The following CAPN11 variants were observed in gnomAD, a reference collection of about 807,000 sequenced individuals.
CAPN11 encodes the protein calpain-11.
Under a neutral mutation model 105.3 loss-of-function variants are expected in CAPN11, and 108 were observed. That is an observed-to-expected ratio of 1.03 (90% CI 0.88 to 1.20). The LOEUF (loss-of-function observed/expected upper bound fraction) is 1.20. Ranked by LOEUF, CAPN11 falls within the 50% of genes most tolerant of loss-of-function variation. The pLI is 0.00. For missense variants in CAPN11, 883 were observed against 924.8 expected, an observed-to-expected ratio of 0.95 and a Z score of 0.59; for synonymous variants, 329 against 344.5, an observed-to-expected ratio of 0.96 and a Z score of 0.50.
chr6:44,177,592 A>T, intron 12 of CAPN11, 172 bp downstream of exon 12: 1 of 617,038 alleles, frequency 1.6e-6, no homozygotes, highest in South Asian at 2.0e-5. Flanking sequence ...AGTTCAAGTG[A>T]TTCTCGTGCC....
rs1371503870 is a variant in CAPN11, at chr6:44,176,290, T to C, written c.953T>C (p.Val318Ala). 6.2e-7 allele frequency: 1 copy of C among 1,613,798 alleles called. No individual in the cohort carries two copies. Among genetic ancestry groups the C allele is most frequent in the Non-Finnish European group, 8.5e-7 (1 of 1,179,834 alleles). Residue 318 changes from valine (V) to alanine (A), a missense_variant, in exon 9 of 23, where the codon GTC (valine) becomes GCC (alanine). Physicochemically the swap from Val to Ala is moderately conservative, Grantham distance 64 (BLOSUM62 0). Coordinates refer to ENST00000398776, the MANE Select transcript of CAPN11 (RefSeq NM_007058.4). ...YRGKMETLIR[V>A]RNPWGRIEWN... ...GGCAAAATGGAAACACTGATTCGGGTCCGGAATCCCTGGGGCCGGATTGAG... is the reference window on the plus strand; with the variant it reads ...GGCAAAATGGAAACACTGATTCGGGCCCGGAATCCCTGGGGCCGGATTGAG...
At chr6:44,160,402 A>G (rs1482017291) in intron 1 of CAPN11, among the ~76,000 whole-genome samples, 1 of 152,142 alleles carries the variant, frequency 6.6e-6, no homozygotes, top group African/African-American at 2.4e-5. Context: ...CAGATCACGA[A>G]GTCAGGAGAT....
At chr6:44,163,308 A>C (rs967399787) in intron 1 of CAPN11, among the ~76,000 whole-genome samples, 1 of 152,138 alleles carries the variant, frequency 6.6e-6, no homozygotes, top group Non-Finnish European at 1.5e-5. Flanking sequence ...ACCTTTATCC[A>C]TCCTCAACAC....
At chr6:44,161,699 G>A (rs937961071) in intron 1 of CAPN11, 1 of 440,440 alleles carries the variant, frequency 2.3e-6, no homozygotes, top group Admixed American at 2.4e-5. Flanking sequence ...AATGAGACAA[G>A]GGAGTTAAGA....
chr6:44,176,835 C>G lies in CAPN11; in HGVS notation c.1077-3C>G. 1 of 1,613,750 alleles carries G rather than the reference C, an allele frequency of 6.2e-7. No individual in the cohort carries two copies. Among genetic ancestry groups the G allele is most frequent in the South Asian group, 1.1e-5 (1 of 91,070 alleles). The stretch of plus-strand genomic sequence containing the variant: ...GACGGGCTCCACCCCCACCCCACCA[C>G]AGGATGTCCTACCAAGATTTCCTGA... On this transcript the variant is annotated splice_polypyrimidine_tract_variant and splice_region_variant and intron_variant, in intron 10 of 22. Coordinates refer to ENST00000398776, the MANE Select transcript of CAPN11 (RefSeq NM_007058.4).
intron 9 of CAPN11, 83 bp from the exon 10 acceptor site, chr6:44,176,498 C>T (rs1457484322): frequency 7.2e-7 from 1 of 1,392,664 alleles, no homozygotes; most frequent in Non-Finnish European, 1.0e-6. Context: ...GGCAGACATT[C>T]AGGGAAGAGG....
chr6:44,178,365 C>T (rs1481737550), intron 12 of CAPN11, among the ~76,000 whole-genome samples: 1 of 152,154 alleles, frequency 6.6e-6, no homozygotes, highest in African/African-American at 2.4e-5. Context: ...GTACTCACTC[C>T]AGGAGCCAAG....
intron 4 of CAPN11, among the ~76,000 whole-genome samples, chr6:44,171,448 G>A (rs771797055): frequency 2.0e-5 from 3 of 152,152 alleles, no homozygotes; most frequent in Non-Finnish European, 2.9e-5. Context: ...TGGGAACTTC[G>A]TGGCCACACC....
Position 44,180,734 on chromosome 6 carries a change from G to T in CAPN11, c.1747-14G>T, listed in dbSNP as rs760975695. 1 of 1,613,550 alleles carries T rather than the reference G, an allele frequency of 6.2e-7. No homozygotes were observed. Among genetic ancestry groups the T allele is most frequent in the African/African-American group, 1.3e-5 (1 of 74,852 alleles). ...TGGAGGGGCCCGAGTGGGGTTCACA[G>T]TTCCCCTTCCTAGGGCAAGGAGATA... On this transcript the variant is annotated splice_polypyrimidine_tract_variant and intron_variant, in intron 16 of 22. Transcript: ENST00000398776.
At chr6:44,182,448 G>T (rs978808734) in intron 19 of CAPN11, among the ~76,000 whole-genome samples, 1 of 152,196 alleles carries the variant, frequency 6.6e-6, no homozygotes, top group Non-Finnish European at 1.5e-5. Context: ...CACAAAGAGC[G>T]CTGGGCAGGG....
intron 19 of CAPN11, 115 bp downstream of exon 19, chr6:44,181,435 CA>C (rs1773154583): frequency 1.5e-6 from 1 of 663,662 alleles, no homozygotes. Flanking sequence ...CACACACACC[CA>C]ACCACACCAC....
intron 11 of CAPN11, 70 bp from the exon 12 acceptor site, chr6:44,177,172 C>G: frequency 1.3e-6 from 2 of 1,508,950 alleles, no homozygotes; most frequent in Non-Finnish European, 1.8e-6. Flanking sequence ...TGGGGAAGCT[C>G]GGTCCACCCT....
rs1334970829 is a variant in CAPN11, at chr6:44,183,886, T to A, written c.2194-20T>A. The stretch of plus-strand genomic sequence containing the variant: ...GCCCCCGTCTCTTCCCACCCTGGGA[T>A]CTGCTTCCTGTCTCCACAGTGGCTG... On this transcript the variant is annotated intron_variant, in intron 22 of 22. Transcript: ENST00000398776. 7.0e-6 allele frequency: 11 copies of A among 1,561,240 alleles called. No homozygotes were observed. The highest frequency in any genetic ancestry group is 6.1e-6 in the Non-Finnish European group (7 of 1,152,328).
At chr6:44,174,983 T>A (rs1771713942) in intron 7 of CAPN11, among the ~76,000 whole-genome samples, 1 of 151,784 alleles carries the variant, frequency 6.6e-6, no homozygotes, top group South Asian at 2.1e-4. Context: ...GTTGCCAAGG[T>A]TTAGGGAGGT....
chr6:44,176,386 C>A (rs766030928), intron 9 of CAPN11, 48 bp downstream of exon 9: 1 of 1,539,886 alleles, frequency 6.5e-7, no homozygotes, highest in Non-Finnish European at 9.0e-7. Flanking sequence ...ATACAGCAGG[C>A]GGTGCCAGGT....
chr6:44,180,573 C>G (rs202043160), intron 15 of CAPN11, 24 bp from the exon 16 acceptor site: 30 of 1,613,638 alleles, frequency 1.9e-5, no homozygotes, highest in Non-Finnish European at 2.4e-5. Context: ...TGACCAGGTC[C>G]CTTTCCTGCT....
In CAPN11 at chr6:44,176,978, G is replaced by A. The variant is rs1344007980; in HGVS notation, c.1217G>A (p.Gly406Glu). 1.2e-6 allele frequency: 2 copies of A among 1,613,412 alleles called. No individual in the cohort carries two copies. Among genetic ancestry groups the A allele is most frequent in the African/African-American group, 1.3e-5 (1 of 74,968 alleles). Residue 406 changes from glycine to glutamate, a missense_variant, in exon 11 of 23, where the codon GGG (glycine) becomes GAG (glutamate). Coordinates refer to ENST00000398776, the MANE Select transcript of CAPN11 (RefSeq NM_007058.4). ...EGSWRRGSSA[G>E]GCRNHPGTFW... ...AGCTGGCGCAGAGGCAGCTCCGCAG[G>A]GGGCTGCAGGAACCACCCTGGTGGG...
In CAPN11 at chr6:44,184,167, G is replaced by T; in HGVS notation, c.*235G>T. 1.7e-6 allele frequency: 1 copy of T among 582,540 alleles called. No homozygotes were observed. The highest frequency in any genetic ancestry group is 3.1e-6 in the Non-Finnish European group (1 of 326,680). The allele number at this position is 582,540 out of a possible 1,614,324, so 36.1% of individuals were successfully genotyped here. On this transcript the variant is annotated 3_prime_UTR_variant, in exon 23 of 23. Transcript: ENST00000398776. ...TTCCCCAACCCGGCTTCTGATGGCTGGCTTTCCCCCACCATCGCTCTCTCA... is the reference window on the plus strand; with the variant it reads ...TTCCCCAACCCGGCTTCTGATGGCTTGCTTTCCCCCACCATCGCTCTCTCA...
At chr6:44,170,794 G>A (rs548694098) in intron 4 of CAPN11, among the ~76,000 whole-genome samples, 34 of 152,278 alleles carry the variant, frequency 2.2e-4, no homozygotes, top group South Asian at 1.0e-3. Context: ...GGAGGGCAAC[G>A]GGGTCTACTC....
Sources: allele counts gnomAD v4.1 joint callset (sites outside exome capture counted in the v4.1 genomes callset), GRCh38; gene constraint gnomAD v4.1.1; transcripts MANE v1.5; gene names NCBI Gene and HGNC (gene_info 2026-07-23, HGNC 2026-07-21).